The following PPP1R7 variants were observed in gnomAD, a reference collection of about 807,000 sequenced individuals.
PPP1R7 encodes the protein protein phosphatase 1 regulatory subunit 7, also known as protein phosphatase 1 regulatory subunit 22.
PPP1R7 carries 18 observed loss-of-function variants against 45.2 expected under a neutral mutation model. That is an observed-to-expected ratio of 0.40 (90% CI 0.28 to 0.59). The LOEUF is 0.59. Ranked by LOEUF, PPP1R7 falls within the 20% of genes least tolerant of loss-of-function variation. The pLI, the probability that PPP1R7 is intolerant of heterozygous loss-of-function variation, is 0.46. For missense variants in PPP1R7, 314 were observed against 455.8 expected, an observed-to-expected ratio of 0.69 and a Z score of 2.83; for synonymous variants, 181 against 183.4, an observed-to-expected ratio of 0.99 and a Z score of 0.11.
At chr2:241,154,365 T>C (rs2067398336) in intron 2 of PPP1R7, among the ~76,000 whole-genome samples, 1 of 151,986 alleles carries the variant, frequency 6.6e-6, no homozygotes. Context: ...GCCTTACCAT[T>C]TTTATAGGCC....
At chr2:241,174,189 G>T (rs2067869628) in intron 9 of PPP1R7, among the ~76,000 whole-genome samples, 1 of 152,160 alleles carries the variant, frequency 6.6e-6, no homozygotes, top group Non-Finnish European at 1.5e-5. Context: ...ATCTAGCACT[G>T]TTTTGAAGCT....
At chr2:241,163,253 C>G in intron 6 of PPP1R7, 32 bp from the exon 7 acceptor site, 1 of 1,466,930 alleles carries the variant, frequency 6.8e-7, no homozygotes, top group Non-Finnish European at 9.6e-7. Context: ...CTGTCAACTG[C>G]AGTACTCATT....
chr2:241,168,732 C>T (rs1019445081), intron 8 of PPP1R7, among the ~76,000 whole-genome samples: 25 of 152,262 alleles, frequency 1.6e-4, no homozygotes, highest in Non-Finnish European at 1.9e-4. Flanking sequence ...GGGTGCTGGG[C>T]GCCAAGGCAG....
At chr2:241,157,770 G>A (rs774717657) in intron 2 of PPP1R7, 37 bp from the exon 3 acceptor site, 3 of 1,594,736 alleles carry the variant, frequency 1.9e-6, no homozygotes, top group Admixed American at 3.4e-5. Context: ...TCCTGTTAAT[G>A]GGGTTCTGAA....
intron 2 of PPP1R7, among the ~76,000 whole-genome samples, chr2:241,154,744 C>T (rs1226285116): frequency 6.6e-6 from 1 of 152,094 alleles, no homozygotes; most frequent in East Asian, 1.9e-4. Context: ...CATGTATGTA[C>T]TTTTACCTGC....
intron 9 of PPP1R7, among the ~76,000 whole-genome samples, chr2:241,170,362 T>C (rs1329447761): frequency 6.6e-6 from 1 of 152,226 alleles, no homozygotes; most frequent in Admixed American, 6.5e-5. Flanking sequence ...ATTTGTCTTG[T>C]CACAGGTATG....
chr2:241,180,388 TAAAAAAA>T (rs58267372), intron 9 of PPP1R7, among the ~76,000 whole-genome samples: 6 of 100,024 alleles, frequency 6.0e-5, no homozygotes, highest in African/African-American at 1.5e-4. Context: ...GCTGGTGAGC[TAAAAAAA>T]AAAAAAAAAA....
intron 4 of PPP1R7, 85 bp from the exon 5 acceptor site, chr2:241,159,128 C>CT: frequency 6.7e-7 from 1 of 1,488,214 alleles, no homozygotes; most frequent in Non-Finnish European, 9.2e-7. Context: ...CCAGAAAGGC[C>CT]TTTCTTGTGT....
At chr2:241,155,708 G>T (rs1000671769) in intron 2 of PPP1R7, among the ~76,000 whole-genome samples, 7 of 152,200 alleles carry the variant, frequency 4.6e-5, no homozygotes, top group African/African-American at 1.7e-4. Flanking sequence ...GTCCTGAGGA[G>T]CCTGGCACAG....
chr2:241,166,788 C>A (rs1415653099), intron 8 of PPP1R7, among the ~76,000 whole-genome samples: 5 of 152,168 alleles, frequency 3.3e-5, no homozygotes, highest in Non-Finnish European at 7.4e-5. Flanking sequence ...TTGAAAAAAA[C>A]AAACCCAACC....
intron 9 of PPP1R7, among the ~76,000 whole-genome samples, chr2:241,170,705 C>CT (rs2067798779): frequency 6.6e-6 from 1 of 152,204 alleles, no homozygotes; most frequent in Non-Finnish European, 1.5e-5. Context: ...GTGCTTTCTC[C>CT]TTTCCCCACT....
chr2:241,165,175 G>T (rs114405823), intron 7 of PPP1R7, among the ~76,000 whole-genome samples: 2,600 of 150,920 alleles, frequency 0.017, 63 homozygotes, highest in African/African-American at 0.06. Flanking sequence ...CTTTTTTTTG[G>T]TTTTTTTTTG....
intron 9 of PPP1R7, among the ~76,000 whole-genome samples, chr2:241,180,388 T>TAAAA (rs58267372): frequency 0.07 from 6,992 of 99,608 alleles, 250 homozygotes; most frequent in South Asian, 0.1. Flanking sequence ...GCTGGTGAGC[T>TAAAA]AAAAAAAAAA....
intron 7 of PPP1R7, among the ~76,000 whole-genome samples, chr2:241,165,035 G>A (rs1412872098): frequency 1.3e-5 from 2 of 152,094 alleles, no homozygotes; most frequent in Admixed American, 6.5e-5. Flanking sequence ...GTGACAGAGC[G>A]AGAGTCCATC....
Position 241,183,399 on chromosome 2 carries a change from C to T in PPP1R7, c.*576C>T, listed in dbSNP as rs556980855. ...CTTAGAGCTCTCCTTCAAAGAGCGC[C>T]GGGCAGGGCTGACTGTTTTCACGTG... On this transcript the variant is annotated 3_prime_UTR_variant, in exon 10 of 10. Coordinates refer to ENST00000234038, the MANE Select transcript of PPP1R7 (RefSeq NM_002712.3). The T allele has an allele frequency of 5.9e-4, 277 of 471,190 alleles. 3 individuals carry two copies. Among genetic ancestry groups the T allele is most frequent in the South Asian group, 3.9e-3 (254 of 64,566 alleles). The allele number at this position is 471,190 out of a possible 1,614,324, so 29.2% of individuals were successfully genotyped here. A position where few individuals can be genotyped will look rare whatever the true frequency, so the allele number is the denominator to read the frequency against.
chr2:241,163,287 A>G lies in PPP1R7; in HGVS notation c.600A>G (p.Ala200=), dbSNP rs777166368. Residue 200 remains alanine, a splice_region_variant and synonymous_variant, in exon 7 of 10, where the codon GCA becomes GCG. Transcript: ENST00000234038. ...TTGCTGTTCTGTCCTTTCCACAGGC[A>G]ATCGAAAATATCGACACCTTAACCA... ...MLELGSNRIR[A]IENIDTLTNL... 6.2e-7 allele frequency: 1 copy of G among 1,606,616 alleles called. No homozygotes were observed. The highest frequency in any genetic ancestry group is 8.5e-7 in the Non-Finnish European group (1 of 1,173,212).
chr2:241,172,248 T>C (rs2067830266), intron 9 of PPP1R7, among the ~76,000 whole-genome samples: 1 of 151,874 alleles, frequency 6.6e-6, no homozygotes, highest in Non-Finnish European at 1.5e-5. Context: ...GGAGGGAGGG[T>C]TGTTTTAGCG....
chr2:241,166,924 A>T (rs2149062822), intron 8 of PPP1R7: 1 of 802,958 alleles, frequency 1.2e-6, no homozygotes, highest in Non-Finnish European at 2.0e-6. Context: ...TCTCAGTCCC[A>T]GCCCCTTCCT....
In PPP1R7 at chr2:241,159,298, A is replaced by G; in HGVS notation, c.389A>G (p.Asn130Ser). The change falls in exon 5 of 10, where the codon AAC (asparagine) becomes AGC (serine). Residue 130 changes from asparagine (N) to serine (S), a missense_variant. Coordinates refer to ENST00000234038, the MANE Select transcript of PPP1R7 (RefSeq NM_002712.3). ...QSLRELDLYD[N>S]QIKKIENLEA... ...CTTCGAGAGCTGGATCTTTACGACA[A>G]CCAGATCAAGAAGATTGAGAATCTG... The G allele has an allele frequency of 1.2e-6, 2 of 1,613,784 alleles. No individual in the cohort carries two copies. The highest frequency in any genetic ancestry group is 8.5e-7 in the Non-Finnish European group (1 of 1,179,792).
Sources: allele counts gnomAD v4.1 joint callset (sites outside exome capture counted in the v4.1 genomes callset), GRCh38; gene constraint gnomAD v4.1.1; transcripts MANE v1.5; gene names NCBI Gene and HGNC (gene_info 2026-07-23, HGNC 2026-07-21).